Variants in PCYT1A observed in about 807,000 individuals in gnomAD.
The protein encoded by PCYT1A is phosphate cytidylyltransferase 1A, choline, also known as choline-phosphate cytidylyltransferase A.
Under a neutral mutation model 43.7 loss-of-function variants are expected in PCYT1A, and 25 were observed. The ratio of observed to expected loss-of-function variants is 0.57; its 90% confidence interval spans 0.42 to 0.80. PCYT1A has a LOEUF of 0.80. Ranked by LOEUF, PCYT1A falls within the 30% of genes least tolerant of loss-of-function variation. PCYT1A has a pLI of 0.00. For missense variants in PCYT1A, 421 were observed against 474.2 expected (o/e 0.89, Z 1.04); for synonymous variants, 172 against 170.7 (o/e 1.01, Z -0.06).
chr3:196,253,420 G>T (rs1017683772), intron 3 of PCYT1A, among the ~76,000 whole-genome samples: 2 of 151,814 alleles, frequency 1.3e-5, no homozygotes, highest in African/African-American at 4.8e-5. Context: ...CAAGTCCAGA[G>T]GGGCTATGAT....
At chr3:196,283,483 A>G (rs1725825605) in intron 1 of PCYT1A, 1 of 152,160 alleles carries the variant, frequency 6.6e-6, no homozygotes, top group African/African-American at 2.4e-5. Context: ...ACCTAAAAGA[A>G]TGCCAAATAT....
In PCYT1A at chr3:196,266,836, C is replaced by A. The variant is rs942137027; in HGVS notation, c.117+3579G>T. 2.0e-5 allele frequency among the ~76,000 whole-genome samples: 3 copies of A among 151,854 alleles called. No individual in the cohort carries two copies. In the South Asian group the frequency reaches 6.2e-4, roughly 32 times the overall value. On this transcript the variant is annotated intron_variant, in intron 2 of 8. Transcript: ENST00000431016. Reference sequence around the variant, plus strand: ...TGAACCTGGGAGGCCGAGATCACACCGCTGCATTCCAGCCTGGGCAACAGA... The same window carrying A: ...TGAACCTGGGAGGCCGAGATCACACAGCTGCATTCCAGCCTGGGCAACAGA...
At chr3:196,254,491 T>C (rs754285123) in intron 3 of PCYT1A, among the ~76,000 whole-genome samples, 4 of 152,046 alleles carry the variant, frequency 2.6e-5, no homozygotes, top group Non-Finnish European at 5.9e-5. Flanking sequence ...GCTGGGACTA[T>C]AGATGCACAC....
intron 3 of PCYT1A, chr3:196,251,562 T>C (rs1044719164): frequency 5.2e-5 from 8 of 152,572 alleles, no homozygotes; most frequent in African/African-American, 1.9e-4. Context: ...AATTAGGTCG[T>C]ATCTATCAAA....
At chr3:196,255,111 T>G (rs1225484510) in intron 3 of PCYT1A, among the ~76,000 whole-genome samples, 2 of 152,222 alleles carry the variant, frequency 1.3e-5, no homozygotes, top group Non-Finnish European at 2.9e-5. Context: ...TATTGCTTTA[T>G]TCCTTGTCCT....
intron 1 of PCYT1A, among the ~76,000 whole-genome samples, chr3:196,276,352 C>G (rs562953550): frequency 5.3e-5 from 8 of 152,040 alleles, no homozygotes; most frequent in Admixed American, 2.6e-4. Context: ...GCCTGCAATC[C>G]CAGCACTTTG....
At chr3:196,271,188 T>C (rs74355328) in intron 1 of PCYT1A, among the ~76,000 whole-genome samples, 7,421 of 127,666 alleles carry the variant, frequency 0.058, 246 homozygotes, top group East Asian at 0.2. Context: ...CCACACCTAG[T>C]TATTTTTTTT....
At chr3:196,244,579 C>G (rs1346993405) in intron 5 of PCYT1A, among the ~76,000 whole-genome samples, 3 of 152,238 alleles carry the variant, frequency 2.0e-5, no homozygotes. Flanking sequence ...GCCACCACCC[C>G]GTCTGGGAGG....
At chr3:196,260,608 C>T (rs947573066) in intron 2 of PCYT1A, among the ~76,000 whole-genome samples, 2 of 152,098 alleles carry the variant, frequency 1.3e-5, no homozygotes, top group Non-Finnish European at 2.9e-5. Flanking sequence ...TTTGGGAGGC[C>T]GAGGCGGGTA....
In PCYT1A at chr3:196,252,977, A is replaced by G. The variant is rs1433805251; in HGVS notation, c.218-4654T>C. 2.0e-5 allele frequency among the ~76,000 whole-genome samples: 3 copies of G among 152,364 alleles called. No homozygotes were observed. The highest frequency in any genetic ancestry group is 7.2e-5 in the African/African-American group (3 of 41,582). ...GCAAAATAAAACAAAATTTGAGCATATAATCCCCCTTCTATGTCCCAGAAA... is the reference window on the plus strand; with the variant it reads ...GCAAAATAAAACAAAATTTGAGCATGTAATCCCCCTTCTATGTCCCAGAAA... On this transcript the variant is annotated intron_variant, in intron 3 of 8. Transcript: ENST00000431016. The surrounding 1 kb of genome is among the most constrained non-coding windows in gnomAD (Gnocchi z 4.0).
chr3:196,250,765 G>T (rs1182208908), intron 3 of PCYT1A: 1 of 166,652 alleles, frequency 6.0e-6, no homozygotes, highest in African/African-American at 2.4e-5. Flanking sequence ...GATATATTAT[G>T]CCGAGGTTGA....
At chr3:196,287,182 A>G (rs1195562474) in intron 1 of PCYT1A, 1 of 152,438 alleles carries the variant, frequency 6.6e-6, no homozygotes, top group Non-Finnish European at 1.5e-5. Flanking sequence ...CTACAGCGCC[A>G]TCGCCCATCA....
chr3:196,286,976 A>G (rs1172817319), intron 1 of PCYT1A, among the ~76,000 whole-genome samples: 4 of 152,246 alleles, frequency 2.6e-5, no homozygotes, highest in African/African-American at 4.8e-5. Context: ...GCTCAATACT[A>G]GGAAGAAACC....
chr3:196,271,430 A>AT (rs1324322740), intron 1 of PCYT1A, among the ~76,000 whole-genome samples: 1 of 151,886 alleles, frequency 6.6e-6, no homozygotes, highest in Non-Finnish European at 1.5e-5. Flanking sequence ...TATTGTTTTT[A>AT]TTTTTTTAGG....
At chr3:196,280,478 C>T (rs1472791762) in intron 1 of PCYT1A, among the ~76,000 whole-genome samples, 1 of 151,934 alleles carries the variant, frequency 6.6e-6, no homozygotes, top group Non-Finnish European at 1.5e-5. Flanking sequence ...ACTTACAACA[C>T]CTAATACAAT....
At chr3:196,284,552 C>T (rs1031241163) in intron 1 of PCYT1A, among the ~76,000 whole-genome samples, 1 of 152,160 alleles carries the variant, frequency 6.6e-6, no homozygotes, top group Non-Finnish European at 1.5e-5. Context: ...ATGTTAACAT[C>T]GGAGAAAGTC....
chr3:196,256,759 C>T (rs541009916), intron 3 of PCYT1A, among the ~76,000 whole-genome samples: 1 of 152,060 alleles, frequency 6.6e-6, no homozygotes, highest in African/African-American at 2.4e-5. Flanking sequence ...AGGCTGGTCT[C>T]GAACTCCTGA....
At chr3:196,244,370 T>G (rs1325984079) in intron 5 of PCYT1A, among the ~76,000 whole-genome samples, 11 of 149,462 alleles carry the variant, frequency 7.4e-5, no homozygotes, top group Non-Finnish European at 1.3e-4. Flanking sequence ...GGAGCGTCTC[T>G]GCCCGGCCGC....
At chr3:196,259,908 A>ATTT (rs1356995887) in intron 2 of PCYT1A, among the ~76,000 whole-genome samples, 1 of 111,080 alleles carries the variant, frequency 9.0e-6, no homozygotes, top group African/African-American at 3.6e-5. Flanking sequence ...AAATGGAAAC[A>ATTT]TTCTTTTTTT....
Sources: allele counts gnomAD v4.1 joint callset (sites outside exome capture counted in the v4.1 genomes callset), GRCh38; gene constraint gnomAD v4.1.1; non-coding constraint Gnocchi (gnomAD v3.1); transcripts MANE v1.5; gene names NCBI Gene and HGNC (gene_info 2026-07-23, HGNC 2026-07-21).